TSPAN18: variants seen among roughly 807,000 people sequenced by gnomAD.
TSPAN18 encodes the protein tetraspanin 18.
TSPAN18 carries 14 observed loss-of-function variants against 27.3 expected under a neutral mutation model. The observed-to-expected ratio is 0.51, with a 90% CI of 0.34 to 0.80. The LOEUF (loss-of-function observed/expected upper bound fraction) is 0.80. TSPAN18 is among the 30% of genes least tolerant of loss of function. The probability of loss-of-function intolerance (pLI) is 0.01; values close to 1 mark genes in which losing one functional copy is unlikely to be tolerated. For synonymous variants in TSPAN18, 143 were observed against 136.5 expected, an observed-to-expected ratio of 1.05 and a Z score of -0.33; for missense variants, 268 against 323.9, an observed-to-expected ratio of 0.83 and a Z score of 1.32.
chr11:44,781,085 G>A (rs1289906831), intron 2 of TSPAN18, among the ~76,000 whole-genome samples: 2 of 152,250 alleles, frequency 1.3e-5, no homozygotes, highest in Non-Finnish European at 2.9e-5. Flanking sequence ...GCAGAGGGCC[G>A]GAGGAGCAGC....
At chr11:44,799,122 A>G (rs1423723049) in intron 2 of TSPAN18, among the ~76,000 whole-genome samples, 1 of 149,170 alleles carries the variant, frequency 6.7e-6, no homozygotes, top group East Asian at 2.0e-4. Context: ...TGTGGGGGCC[A>G]TCGGTGCAGA....
At chr11:44,787,042 A>T (rs931718427) in intron 2 of TSPAN18, among the ~76,000 whole-genome samples, 3 of 152,194 alleles carry the variant, frequency 2.0e-5, no homozygotes, top group African/African-American at 7.2e-5. Context: ...CTAATTAGGA[A>T]GGCATACATA....
At chr11:44,866,072 A>G (rs1475753536) in intron 3 of TSPAN18, among the ~76,000 whole-genome samples, 1 of 152,234 alleles carries the variant, frequency 6.6e-6, no homozygotes, top group East Asian at 1.9e-4. Flanking sequence ...CGGCAGCACA[A>G]TCGATTGTTC....
intron 3 of TSPAN18, among the ~76,000 whole-genome samples, chr11:44,898,410 A>C: frequency 6.6e-6 from 1 of 152,256 alleles, no homozygotes; most frequent in East Asian, 1.9e-4. Context: ...TAAGTTACAC[A>C]AGAGCTGGAT....
At chr11:44,749,496 G>A (rs1855158409) in intron 1 of TSPAN18, among the ~76,000 whole-genome samples, 1 of 152,234 alleles carries the variant, frequency 6.6e-6, no homozygotes, top group South Asian at 2.1e-4. Context: ...GGGTCATCAT[G>A]ATGCCTTTGT....
intron 1 of TSPAN18, among the ~76,000 whole-genome samples, chr11:44,763,588 C>A (rs531424935): frequency 2.6e-5 from 4 of 152,292 alleles, no homozygotes; most frequent in South Asian, 2.1e-4. Flanking sequence ...ATGATTAATT[C>A]TTTTTCCTAG....
intron 5 of TSPAN18, among the ~76,000 whole-genome samples, chr11:44,911,200 ATGGGCGAATTCG>A (rs1156698782): frequency 6.6e-6 from 1 of 152,116 alleles, no homozygotes; most frequent in Non-Finnish European, 1.5e-5. Context: ...GATGCTCCTC[ATGGGCGAATTCG>A]TGGGCGGAGT....
chr11:44,902,782 C>A (rs568955432), intron 3 of TSPAN18, among the ~76,000 whole-genome samples: 20 of 152,136 alleles, frequency 1.3e-4, no homozygotes, highest in Non-Finnish European at 1.2e-4. Flanking sequence ...GGTGAGCAAG[C>A]GGGGCATTAG....
At chr11:44,814,997 G>C (rs1376085725) in intron 2 of TSPAN18, among the ~76,000 whole-genome samples, 1 of 152,202 alleles carries the variant, frequency 6.6e-6, no homozygotes, top group Non-Finnish European at 1.5e-5. Context: ...ACTATGCAGA[G>C]AGCTGGCAGA....
At chr11:44,841,693 C>T (rs1395362111) in intron 2 of TSPAN18, among the ~76,000 whole-genome samples, 2 of 152,056 alleles carry the variant, frequency 1.3e-5, no homozygotes, top group Non-Finnish European at 2.9e-5. Context: ...GAGGAGGGTT[C>T]CATCTGAGAG....
At chr11:44,912,679 G>A (rs767061153) in intron 5 of TSPAN18, among the ~76,000 whole-genome samples, 4 of 152,146 alleles carry the variant, frequency 2.6e-5, no homozygotes, top group Admixed American at 6.5e-5. Flanking sequence ...GTATGTGCAC[G>A]TGTGTTGTAT....
chr11:44,838,265 T>C (rs1857302651), intron 2 of TSPAN18, among the ~76,000 whole-genome samples: 1 of 152,158 alleles, frequency 6.6e-6, no homozygotes, highest in Non-Finnish European at 1.5e-5. Context: ...AAGCAAGGCA[T>C]GTCTTACATG....
intron 2 of TSPAN18, among the ~76,000 whole-genome samples, chr11:44,796,629 C>A (rs982970508): frequency 6.6e-6 from 1 of 152,084 alleles, no homozygotes; most frequent in African/African-American, 2.4e-5. Flanking sequence ...CAGGTCTCCC[C>A]CTATCCTTGT....
chr11:44,856,071 G>A lies in TSPAN18; in HGVS notation c.-152-4257G>A, dbSNP rs370118057. Among the ~76,000 whole-genome samples the A allele has an allele frequency of 4.6e-5, 7 of 151,982 alleles. No individual in the cohort carries two copies. The South Asian group carries it at 1.5e-3, about 32-fold the overall frequency. ...GCTAATTTTTTGTATTTTTAGTAGA[G>A]ATGGGGTTTCACCATGTTAGCCAGG... On this transcript the variant is annotated intron_variant, in intron 2 of 9. Coordinates refer to ENST00000520358, the MANE Select transcript of TSPAN18 (RefSeq NM_130783.5).
chr11:44,917,136 C>A (rs1161437649), intron 5 of TSPAN18, among the ~76,000 whole-genome samples: 1 of 152,216 alleles, frequency 6.6e-6, no homozygotes, highest in Non-Finnish European at 1.5e-5. Context: ...CGTGCGGGCA[C>A]CTCTGTTAGG....
intron 2 of TSPAN18, among the ~76,000 whole-genome samples, chr11:44,784,829 T>C (rs1308174803): frequency 6.6e-6 from 1 of 152,234 alleles, no homozygotes; most frequent in Non-Finnish European, 1.5e-5. Context: ...TTAAATGGCT[T>C]GTTCAGGGTC....
chr11:44,870,145 A>T (rs1294892115), intron 3 of TSPAN18, among the ~76,000 whole-genome samples: 1 of 152,240 alleles, frequency 6.6e-6, no homozygotes, highest in Non-Finnish European at 1.5e-5. Context: ...ATTATTCAAT[A>T]GTCTGTAGTA....
chr11:44,839,858 G>A (rs1172666369), intron 2 of TSPAN18, among the ~76,000 whole-genome samples: 2 of 152,204 alleles, frequency 1.3e-5, no homozygotes, highest in East Asian at 3.9e-4. Context: ...TGATTCCCCG[G>A]TGCTCCCCAG....
At chr11:44,886,202 C>T (rs835772) in intron 3 of TSPAN18, 1 of 152,190 alleles carries the variant, frequency 6.6e-6, no homozygotes, top group Non-Finnish European at 1.5e-5. Flanking sequence ...CTCCTTCATG[C>T]TGCACACGAG....
Sources: allele counts gnomAD v4.1 joint callset (sites outside exome capture counted in the v4.1 genomes callset), GRCh38; gene constraint gnomAD v4.1.1; transcripts MANE v1.5; gene names NCBI Gene and HGNC (gene_info 2026-07-23, HGNC 2026-07-21).